The following STPG2 variants were observed in gnomAD, a reference collection of about 807,000 sequenced individuals.
The protein encoded by STPG2 is sperm tail PG-rich repeat containing 2.
A neutral mutation model predicts 54.2 loss-of-function variants in STPG2; 56 were observed. The observed-to-expected ratio is 1.03, with a 90% confidence interval of 0.83 to 1.29. The LOEUF (loss-of-function observed/expected upper bound fraction) is 1.29, where lower values mean the gene tolerates loss of function less well. Ranked by LOEUF, STPG2 falls within the 50% of genes most tolerant of loss-of-function variation. The pLI, the probability that STPG2 is intolerant of heterozygous loss-of-function variation, is 0.00. For missense variants in STPG2, 596 were observed against 544.9 expected, an observed-to-expected ratio of 1.09 and a Z score of -0.93; for synonymous variants, 200 against 181.8, an observed-to-expected ratio of 1.10 and a Z score of -0.81.
intron 10 of STPG2, among the ~76,000 whole-genome samples, chr4:97,586,100 A>C (rs1249752324): frequency 6.6e-6 from 1 of 151,936 alleles, no homozygotes. Context: ...TTCTCTTACA[A>C]CAAATAAAAA....
At chr4:97,611,121 A>C (rs1327871403) in intron 10 of STPG2, among the ~76,000 whole-genome samples, 1 of 152,018 alleles carries the variant, frequency 6.6e-6, no homozygotes, top group African/African-American at 2.4e-5. Flanking sequence ...TTATCACATA[A>C]GAATTTCAAA....
At chr4:97,595,448 A>G (rs1378841756) in intron 10 of STPG2, among the ~76,000 whole-genome samples, 1 of 151,742 alleles carries the variant, frequency 6.6e-6, no homozygotes. Context: ...GGGGCCTGTC[A>G]TGGGGTAGGG....
chr4:97,484,141 C>T (rs1730295278), intron 4 of STPG2, among the ~76,000 whole-genome samples: 1 of 151,540 alleles, frequency 6.6e-6, no homozygotes, highest in African/African-American at 2.4e-5. Flanking sequence ...CACAGACATT[C>T]TAAGGTCATA....
At chr4:97,938,905 T>C (rs1328268789) in intron 8 of STPG2, among the ~76,000 whole-genome samples, 1 of 152,094 alleles carries the variant, frequency 6.6e-6, no homozygotes. Flanking sequence ...TAGGCCATCT[T>C]GGGTCTGCCC....
At chr4:97,444,845 T>C (rs990460144) in intron 4 of STPG2, among the ~76,000 whole-genome samples, 3 of 152,016 alleles carry the variant, frequency 2.0e-5, no homozygotes, top group Admixed American at 6.6e-5. Context: ...CTGGCTAACA[T>C]CGTGAAACCC....
Position 98,018,827 on chromosome 4 carries a change from T to A in STPG2, c.613-37509A>T, listed in dbSNP as rs1736065612. ...TGCATAAATGTCTTCTTTTGAGAAG[T>A]GTCTTTTCATATCCTTTGCCCACTT... On this transcript the variant is annotated intron_variant, in intron 5 of 10. Transcript: ENST00000295268. Among the ~76,000 whole-genome samples the A allele has an allele frequency of 2.6e-5, 4 of 152,050 alleles. No individual in the cohort carries two copies. The South Asian group carries it at 8.3e-4, about 32-fold the overall frequency.
chr4:97,502,608 T>TA (rs1389134062), intron 4 of STPG2, among the ~76,000 whole-genome samples: 1 of 151,514 alleles, frequency 6.6e-6, no homozygotes, highest in Non-Finnish European at 1.5e-5. Context: ...TTCAAAAATT[T>TA]AAAAAAATGA....
chr4:98,066,683 A>G (rs950312542), intron 5 of STPG2, among the ~76,000 whole-genome samples: 5 of 152,218 alleles, frequency 3.3e-5, no homozygotes, highest in Admixed American at 2.6e-4. Flanking sequence ...CACTGAAAAA[A>G]GACGGCAAAA....
intron 5 of STPG2, among the ~76,000 whole-genome samples, chr4:98,027,161 C>T (rs1238632940): frequency 6.6e-6 from 1 of 152,164 alleles, no homozygotes; most frequent in Non-Finnish European, 1.5e-5. Context: ...TATTACTCTT[C>T]TAATAAATAC....
chr4:98,026,467 C>T (rs996819160), intron 5 of STPG2, among the ~76,000 whole-genome samples: 1 of 152,098 alleles, frequency 6.6e-6, no homozygotes, highest in Non-Finnish European at 1.5e-5. Context: ...AGAGAGGGCA[C>T]CAGATGGACA....
intron 10 of STPG2, among the ~76,000 whole-genome samples, chr4:97,699,173 C>A (rs1012450994): frequency 6.6e-6 from 1 of 152,176 alleles, no homozygotes; most frequent in Non-Finnish European, 1.5e-5. Context: ...AAATTGGGCA[C>A]TCGACAGTGG....
intron 9 of STPG2, among the ~76,000 whole-genome samples, chr4:97,727,722 C>CT (rs34747108): frequency 0.57 from 83,311 of 146,980 alleles, 27,128 homozygotes; most frequent in Non-Finnish European, 0.75. Flanking sequence ...TCATGGATTC[C>CT]TTTTTTTTTT....
At chr4:98,120,438 T>C (rs1739647491) in intron 3 of STPG2, among the ~76,000 whole-genome samples, 1 of 152,138 alleles carries the variant, frequency 6.6e-6, no homozygotes, top group African/African-American at 2.4e-5. Flanking sequence ...AGTAATAAGA[T>C]TGCTGGGTCA....
chr4:97,615,951 C>T (rs931133256), intron 10 of STPG2, among the ~76,000 whole-genome samples: 10 of 148,606 alleles, frequency 6.7e-5, no homozygotes, highest in Admixed American at 6.1e-4. Context: ...GTAGAAGAAT[C>T]ACTTGAACCT....
intron 9 of STPG2, among the ~76,000 whole-genome samples, chr4:97,728,334 G>A: frequency 6.6e-6 from 1 of 152,056 alleles, no homozygotes; most frequent in African/African-American, 2.4e-5. Context: ...ATGTCAAGGA[G>A]TTCATTTATT....
chr4:97,522,694 C>T (rs1188832020), intron 4 of STPG2, among the ~76,000 whole-genome samples: 3 of 151,832 alleles, frequency 2.0e-5, no homozygotes, highest in Non-Finnish European at 2.9e-5. Flanking sequence ...TTTAAGCAGA[C>T]ACACAGAGAT....
chr4:97,773,543 C>G (rs1163686249), intron 9 of STPG2, among the ~76,000 whole-genome samples: 1 of 152,072 alleles, frequency 6.6e-6, no homozygotes, highest in Non-Finnish European at 1.5e-5. Flanking sequence ...GACTCATGAG[C>G]TCAAGTAATC....
At chr4:97,660,454 C>T (rs1722347953) in intron 10 of STPG2, among the ~76,000 whole-genome samples, 1 of 152,160 alleles carries the variant, frequency 6.6e-6, no homozygotes, top group South Asian at 2.1e-4. Context: ...AATACTGTAA[C>T]AATCCTATCA....
chr4:97,946,507 C>G (rs1296428901), intron 7 of STPG2, among the ~76,000 whole-genome samples: 1 of 152,106 alleles, frequency 6.6e-6, no homozygotes, highest in Non-Finnish European at 1.5e-5. Flanking sequence ...ACGTTATCTT[C>G]TAGAATTTTT....
Sources: allele counts gnomAD v4.1 joint callset (sites outside exome capture counted in the v4.1 genomes callset), GRCh38; gene constraint gnomAD v4.1.1; transcripts MANE v1.5; gene names NCBI Gene and HGNC (gene_info 2026-07-23, HGNC 2026-07-21).